JADE3: variants seen among roughly 807,000 people sequenced by gnomAD.
JADE3 encodes protein Jade-3.
A neutral mutation model predicts 50.1 loss-of-function variants in JADE3; 2 were observed. The observed-to-expected ratio is 0.04, with a 90% CI of 0.02 to 0.13. The LOEUF (loss-of-function observed/expected upper bound fraction) is 0.13. Among genes scored for constraint, JADE3 ranks in the 10% least tolerant of loss-of-function variants. The probability of loss-of-function intolerance (pLI) is 1.00; values close to 1 mark genes in which losing one functional copy is unlikely to be tolerated. For synonymous variants in JADE3, 218 were observed against 232.9 expected (o/e 0.94, Z 0.58); for missense variants, 475 against 634.4 (o/e 0.75, Z 2.70).
At chrX:47,017,487 A>C (rs1473187030) in intron 4 of JADE3, among the ~76,000 whole-genome samples, 1 of 112,040 alleles carries the variant, frequency 8.9e-6, no homozygotes, top group Non-Finnish European at 1.9e-5. Context: ...CATACATTAT[A>C]AGTTGTATAA....
intron 1 of JADE3, among the ~76,000 whole-genome samples, chrX:46,961,383 G>A (rs1248248316): frequency 8.9e-6 from 1 of 112,133 alleles, no homozygotes; most frequent in Non-Finnish European, 1.9e-5. Context: ...GTAGTTATGT[G>A]GGGTTCTGAA....
intron 1 of JADE3, among the ~76,000 whole-genome samples, chrX:46,983,793 G>GT (rs1324873812): frequency 7.2e-5 from 8 of 111,410 alleles, no homozygotes; most frequent in African/African-American, 2.3e-4. Flanking sequence ...TAAATGGTTG[G>GT]TTTTTTTTTA....
intron 4 of JADE3, among the ~76,000 whole-genome samples, chrX:47,001,920 CT>C (rs1928296878): frequency 9.0e-6 from 1 of 111,350 alleles, no homozygotes. Context: ...TGAAATATAT[CT>C]TTGTCTTTTG....
chrX:46,948,586 G>GTT (rs1556344071), intron 1 of JADE3, among the ~76,000 whole-genome samples: 6 of 112,060 alleles, frequency 5.4e-5, no homozygotes, highest in African/African-American at 1.9e-4. Flanking sequence ...ATGCAAAGAA[G>GTT]GATAAAGATA....
rs868912367 is a variant in JADE3 at position 46,926,078 on chromosome X, A to G, written c.-12+13359A>G. Among the ~76,000 whole-genome samples, 15 of 81,485 alleles carry G rather than the reference A, an allele frequency of 1.8e-4. No homozygotes were observed. The East Asian group carries it at 4.8e-3, about 26-fold the overall frequency. The allele number at this position is 81,485 out of a possible 115,157, so 70.8% of individuals were successfully genotyped here. A position where few individuals can be genotyped will look rare whatever the true frequency, so the allele number is the denominator to read the frequency against. On this transcript the variant is annotated intron_variant, in intron 1 of 10. Coordinates refer to ENST00000614628, the MANE Select transcript of JADE3 (RefSeq NM_014735.5). ...TTTTATTTTATTTTATTTTATTTTA[A>G]GAGATGGGACCTTACTGTGTTGCCC... is the stretch of plus-strand genomic sequence containing the variant.
At chrX:47,000,863 T>G (rs1928267063) in intron 4 of JADE3, among the ~76,000 whole-genome samples, 1 of 112,139 alleles carries the variant, frequency 8.9e-6, no homozygotes, top group African/African-American at 3.2e-5. Context: ...AGAACAACAG[T>G]AATTTTAGAA....
At position 47,058,381 on chromosome X, in the gene JADE3, G is replaced by A. The variant is rs781848377; in HGVS notation, c.1776G>A (p.Ser592=). 2.2e-5 allele frequency: 27 copies of A among 1,208,645 alleles called. No homozygotes were observed. The highest frequency in any genetic ancestry group is 3.5e-5 in the South Asian group (2 of 56,743). ...AGTCACTAGAAATGAGAACAAAATC[G>A]TATCCGAGATACCCACTAGAGAGCA... is the stretch of plus-strand genomic sequence containing the variant. ...PQESLEMRTK[S]YPRYPLESKN... The change falls in exon 11 of 11, where the codon TCG becomes TCA. Residue 592 remains serine, a synonymous_variant. Transcript: ENST00000614628.
At chrX:46,949,238 C>A (rs1926950846) in intron 1 of JADE3, among the ~76,000 whole-genome samples, 1 of 111,863 alleles carries the variant, frequency 8.9e-6, no homozygotes, top group Admixed American at 9.5e-5. Context: ...CATGCCCAGC[C>A]AAATCTACTC....
intron 1 of JADE3, among the ~76,000 whole-genome samples, chrX:46,972,325 A>G (rs1218511779): frequency 9.1e-6 from 1 of 110,062 alleles, no homozygotes; most frequent in African/African-American, 3.3e-5. Flanking sequence ...CTTCCTGAAT[A>G]GCTGGGATTA....
At chrX:47,047,861 TCA>T (rs781806667) in intron 8 of JADE3, among the ~76,000 whole-genome samples, 1 of 111,748 alleles carries the variant, frequency 8.9e-6, no homozygotes, top group Non-Finnish European at 1.9e-5. Context: ...ACAGTTATAC[TCA>T]CAGTTATAGT....
intron 7 of JADE3, among the ~76,000 whole-genome samples, chrX:47,035,467 G>T (rs1556367749): frequency 8.9e-6 from 1 of 111,900 alleles, no homozygotes; most frequent in Non-Finnish European, 1.9e-5. Flanking sequence ...CAGGTTTCTG[G>T]CTTGAGAATG....
rs143499993 is a variant in JADE3 at position 46,989,813 on chromosome X, C to A, written c.126+4021C>A. Among the ~76,000 whole-genome samples, 463 of 110,991 alleles carry A rather than the reference C, an allele frequency of 4.2e-3. 3 individuals carry two copies. Among genetic ancestry groups the A allele is most frequent in the African/African-American group, 0.014 (428 of 30,572 alleles). ...TCAACTCCACCTTCTTTTTCCCCTC[C>A]TTTTGGGGCTTCAGTTGCATGAATG... On this transcript the variant is annotated intron_variant, in intron 3 of 10. Transcript: ENST00000614628.
In JADE3 at chrX:46,920,643, C is replaced by T. The variant is rs1224085289; in HGVS notation, c.-12+7924C>T. Among the ~76,000 whole-genome samples the T allele has an allele frequency of 2.7e-5, 3 of 112,523 alleles. No individual in the cohort carries two copies. In the Admixed American group the frequency reaches 2.8e-4, roughly 11 times the overall value. ...CAAACTATGTTCCAAAGTGGTTCTA[C>T]CATTTTATATTCTCCTGCCATGAAT... On this transcript the variant is annotated intron_variant, in intron 1 of 10. Coordinates refer to ENST00000614628, the MANE Select transcript of JADE3 (RefSeq NM_014735.5).
intron 8 of JADE3, among the ~76,000 whole-genome samples, chrX:47,052,593 C>T (rs1488575387): frequency 1.1e-5 from 1 of 92,036 alleles, no homozygotes; most frequent in Non-Finnish European, 2.1e-5. Flanking sequence ...GAGATTGTGC[C>T]ACTGCCCTCC....
chrX:46,988,603 G>A (rs1302399077), intron 3 of JADE3, among the ~76,000 whole-genome samples: 3 of 111,578 alleles, frequency 2.7e-5, no homozygotes, highest in African/African-American at 9.8e-5. Context: ...CAAGATTAGA[G>A]AGAACAAACC....
At chrX:47,045,162 A>G (rs782820748) in intron 8 of JADE3, among the ~76,000 whole-genome samples, 12 of 112,007 alleles carry the variant, frequency 1.1e-4, no homozygotes, top group Admixed American at 3.8e-4. Flanking sequence ...ACAAGGCCCA[A>G]TGATCTGTTG....
chrX:46,952,733 C>G lies in JADE3; in HGVS notation c.-11-32151C>G, dbSNP rs894387073. Among the ~76,000 whole-genome samples, 5 of 112,129 alleles carry G rather than the reference C, an allele frequency of 4.5e-5. No individual in the cohort carries two copies. In the South Asian group the frequency reaches 1.8e-3, roughly 41 times the overall value. On this transcript the variant is annotated intron_variant, in intron 1 of 10. Coordinates refer to ENST00000614628, the MANE Select transcript of JADE3 (RefSeq NM_014735.5). The stretch of plus-strand genomic sequence containing the variant: ...CAATGGGAGGCCAGGTGCGGTGGCT[C>G]ACGCCTGTAATCCCAGCACTTTGGG...
chrX:46,973,315 C>A (rs190221025), intron 1 of JADE3, among the ~76,000 whole-genome samples: 2 of 111,822 alleles, frequency 1.8e-5, no homozygotes, highest in Admixed American at 1.9e-4. Flanking sequence ...AAGAGTTGAC[C>A]TCCAGACTCC....
At chrX:46,922,657 T>A (rs1301332094) in intron 1 of JADE3, among the ~76,000 whole-genome samples, 1 of 111,493 alleles carries the variant, frequency 9.0e-6, no homozygotes, top group Non-Finnish European at 1.9e-5. Context: ...TCTTACTGTT[T>A]TTTTTTTAAT....
Sources: allele counts gnomAD v4.1 joint callset (sites outside exome capture counted in the v4.1 genomes callset), GRCh38; gene constraint gnomAD v4.1.1; transcripts MANE v1.5; gene names NCBI Gene and HGNC (gene_info 2026-07-23, HGNC 2026-07-21).